KIF16B: variants seen among roughly 807,000 people sequenced by gnomAD.
KIF16B encodes the protein kinesin family member 16B.
Under a neutral mutation model 156.3 loss-of-function variants are expected in KIF16B, and 98 were observed. The ratio of observed to expected loss-of-function variants is 0.63; its 90% CI spans 0.53 to 0.74. The LOEUF is 0.74. Ranked by LOEUF, KIF16B falls within the 30% of genes least tolerant of loss-of-function variation. The pLI is 0.00. For missense variants in KIF16B, 1,421 were observed against 1,606.5 expected (o/e 0.88, Z 1.97); for synonymous variants, 564 against 583.7 (o/e 0.97, Z 0.49).
At position 16,498,378 on chromosome 20, in the gene KIF16B, T is replaced by C. The variant is rs1173310375; in HGVS notation, c.1177-700A>G. ...CTTTTCTCATGGCCTAAGATATCCC[T>C]TGGAAGAAAAAAGAAAGAGAATATC... On this transcript the variant is annotated intron_variant, in intron 10 of 25. Transcript: ENST00000354981. Among the ~76,000 whole-genome samples, 6 of 152,118 alleles carry C rather than the reference T, an allele frequency of 3.9e-5. No homozygotes were observed. The South Asian group carries it at 8.3e-4, about 21-fold the overall frequency.
At chr20:16,326,404 C>T (rs773418651) in intron 24 of KIF16B, among the ~76,000 whole-genome samples, 28 of 149,348 alleles carry the variant, frequency 1.9e-4, no homozygotes, top group African/African-American at 4.9e-4. Flanking sequence ...ACTATGTATT[C>T]GACAAAGGAA....
intron 25 of KIF16B, among the ~76,000 whole-genome samples, chr20:16,302,160 T>G (rs1463102880): frequency 2.0e-5 from 3 of 152,340 alleles, no homozygotes; most frequent in Non-Finnish European, 4.4e-5. Context: ...ATTTTATGAA[T>G]CATGTCACTG....
intron 25 of KIF16B, among the ~76,000 whole-genome samples, chr20:16,292,389 C>A (rs903393531): frequency 2.6e-5 from 4 of 152,042 alleles, no homozygotes; most frequent in African/African-American, 9.7e-5. Context: ...TGAAACATAA[C>A]TGACACATAT....
chr20:16,323,334 C>T (rs1016639969), intron 24 of KIF16B, among the ~76,000 whole-genome samples: 17 of 151,966 alleles, frequency 1.1e-4, no homozygotes, highest in African/African-American at 4.1e-4. Context: ...CATCTGCACC[C>T]TAAAGGTTTG....
At chr20:16,569,359 C>A (rs1477640725) in intron 1 of KIF16B, among the ~76,000 whole-genome samples, 1 of 152,188 alleles carries the variant, frequency 6.6e-6, no homozygotes, top group Non-Finnish European at 1.5e-5. Flanking sequence ...GTACCTGGAG[C>A]TAGGACCAGA....
At chr20:16,437,099 G>A (rs547486151) in intron 12 of KIF16B, among the ~76,000 whole-genome samples, 4 of 152,326 alleles carry the variant, frequency 2.6e-5, no homozygotes, top group South Asian at 4.1e-4. Context: ...TAAGTGTGAT[G>A]TAAATAGTTA....
At chr20:16,486,097 G>A (rs1418896573) in intron 12 of KIF16B, among the ~76,000 whole-genome samples, 6 of 152,092 alleles carry the variant, frequency 3.9e-5, no homozygotes, top group South Asian at 2.1e-4. Flanking sequence ...ATCAGAGGAC[G>A]AGACTAGATG....
At position 16,506,146 on chromosome 20, in the gene KIF16B, G is replaced by A; in HGVS notation, c.744C>T (p.Ile248=). 6.2e-7 allele frequency: 1 copy of A among 1,614,132 alleles called. No individual in the cohort carries two copies. The highest frequency in any genetic ancestry group is 8.5e-7 in the Non-Finnish European group (1 of 1,179,990). ...CACTTCCGGCAAGATCAACCAAGTGGATCTTACTGACGGTTTCACATGGCA... is the reference window on the plus strand; with the variant it reads ...CACTTCCGGCAAGATCAACCAAGTGAATCTTACTGACGGTTTCACATGGCA... The part of the protein sequence containing the change: ...SEMPCETVSK[I]HLVDLAGSER... Residue 248 remains isoleucine, a synonymous_variant, in exon 8 of 26, where the codon ATC becomes ATT. Transcript: ENST00000354981.
At chr20:16,430,835 C>CTG (rs1292626709) in intron 12 of KIF16B, among the ~76,000 whole-genome samples, 1 of 145,124 alleles carries the variant, frequency 6.9e-6, no homozygotes, top group African/African-American at 2.7e-5. Context: ...TATGAGTATA[C>CTG]TGTGTGTGTG....
At chr20:16,299,173 G>A (rs188386161) in intron 25 of KIF16B, among the ~76,000 whole-genome samples, 1 of 152,178 alleles carries the variant, frequency 6.6e-6, no homozygotes, top group Non-Finnish European at 1.5e-5. Flanking sequence ...AATATTTATA[G>A]ATGAAATAAT....
intron 21 of KIF16B, among the ~76,000 whole-genome samples, chr20:16,370,891 G>C (rs1489383279): frequency 6.6e-6 from 1 of 151,958 alleles, no homozygotes; most frequent in African/African-American, 2.4e-5. Context: ...GATCTCCTTA[G>C]GGCATTTCTT....
chr20:16,294,216 C>T (rs917871430), intron 25 of KIF16B, among the ~76,000 whole-genome samples: 1 of 152,128 alleles, frequency 6.6e-6, no homozygotes, highest in African/African-American at 2.4e-5. Flanking sequence ...AGTGTAAACA[C>T]ATACACACAC....
At chr20:16,340,644 G>A (rs1205439471) in intron 23 of KIF16B, among the ~76,000 whole-genome samples, 1 of 152,178 alleles carries the variant, frequency 6.6e-6, no homozygotes, top group East Asian at 1.9e-4. Flanking sequence ...TAAAGGAACT[G>A]GACACTCAGC....
intron 12 of KIF16B, among the ~76,000 whole-genome samples, chr20:16,486,751 C>T (rs1025736082): frequency 3.9e-5 from 6 of 151,982 alleles, no homozygotes; most frequent in East Asian, 1.9e-4. Flanking sequence ...TTTAGAATGG[C>T]GATAACTAAC....
chr20:16,365,972 G>A (rs1259283321), intron 22 of KIF16B, among the ~76,000 whole-genome samples: 3 of 152,128 alleles, frequency 2.0e-5, no homozygotes, highest in Admixed American at 6.6e-5. Context: ...CTAGATTTAG[G>A]AGAACACACA....
intron 18 of KIF16B, among the ~76,000 whole-genome samples, chr20:16,380,673 G>C (rs901827163): frequency 6.6e-6 from 1 of 152,210 alleles, no homozygotes; most frequent in Non-Finnish European, 1.5e-5. Flanking sequence ...TTAATCACTA[G>C]TTTGGGACAA....
intron 18 of KIF16B, 48 bp from the exon 19 acceptor site, chr20:16,380,211 G>A: frequency 1.9e-5 from 27 of 1,424,988 alleles, no homozygotes; most frequent in Non-Finnish European, 2.5e-5. Context: ...TTGTTCAAAT[G>A]TTGCTCTAAC....
At chr20:16,277,478 T>A (rs972296546) in intron 25 of KIF16B, among the ~76,000 whole-genome samples, 12 of 145,798 alleles carry the variant, frequency 8.2e-5, no homozygotes, top group South Asian at 2.2e-4. Flanking sequence ...TATATATATA[T>A]AAAATATTTA....
At chr20:16,352,292 A>C (rs1245011571) in intron 23 of KIF16B, among the ~76,000 whole-genome samples, 2 of 152,226 alleles carry the variant, frequency 1.3e-5, no homozygotes, top group Non-Finnish European at 2.9e-5. Flanking sequence ...AATCTTAAAA[A>C]ACTAAATGAG....
Sources: gnomAD v4.1 joint callset for allele counts (sites outside exome capture counted in the v4.1 genomes callset) on GRCh38, gnomAD v4.1.1 for gene constraint, MANE v1.5 for transcripts, NCBI Gene and HGNC (gene_info 2026-07-23, HGNC 2026-07-21) for gene names.